The following FAM107A variants were observed in gnomAD, a reference collection of about 807,000 sequenced individuals.
FAM107A encodes family with sequence similarity 107 member A, also known as actin-associated protein FAM107A.
FAM107A carries 19 observed loss-of-function variants against 13.7 expected under a neutral mutation model. The observed-to-expected ratio is 1.38, with a 90% CI of 0.97 to 2.03. The LOEUF is 2.03. FAM107A is among the 30% of genes most tolerant of loss of function. The probability of loss-of-function intolerance (pLI) is 0.00; values close to 1 mark genes in which losing one functional copy is unlikely to be tolerated. For missense variants in FAM107A, 203 were observed against 184.4 expected (o/e 1.10, Z -0.58); for synonymous variants, 82 against 74.5 (o/e 1.10, Z -0.52).
intron 1 of FAM107A, among the ~76,000 whole-genome samples, chr3:58,593,058 C>T (rs2065667060): frequency 1.3e-5 from 2 of 152,130 alleles, no homozygotes. Context: ...GGACCCCACT[C>T]AGTCATCTAT....
At chr3:58,627,539 A>C (rs2066031516) in exon 1 of FAM107A, 1 of 152,950 alleles carries the variant, frequency 6.5e-6, no homozygotes, top group Admixed American at 6.5e-5. Context: ...TTAATAATAG[A>C]CCTTTGAAGA....
chr3:58,569,932 A>C lies in FAM107A; in HGVS notation c.-5-67T>G. On this transcript the variant is annotated intron_variant, in intron 1 of 3. Transcript: ENST00000360997. The surrounding 1 kb of genome is among the most constrained non-coding windows in gnomAD (Gnocchi z 5.7). ...AATCTCACCCTGCCCCATGGGACAC[A>C]GTTGAAGGGCAAGGTTTTCATGTCA... The C allele has an allele frequency of 6.7e-7, 1 of 1,492,340 alleles. No homozygotes were observed. The highest frequency in any genetic ancestry group is 1.4e-5 in the African/African-American group (1 of 71,106). The allele number at this position is 1,492,340 out of a possible 1,614,324, so 92.4% of individuals were successfully genotyped here.
At chr3:58,589,341 A>T, upstream of FAM107A, 1 of 996,608 alleles carries the variant, frequency 1.0e-6, no homozygotes, top group Non-Finnish European at 1.5e-6. Flanking sequence ...TGATATATTC[A>T]CAATGTATCT....
intron 1 of FAM107A, chr3:58,570,463 A>C (rs976991296): frequency 1.4e-6 from 1 of 710,216 alleles, no homozygotes; most frequent in African/African-American, 1.9e-5. Flanking sequence ...TTGGCTACTC[A>C]ATGGCCCCAC....
chr3:58,622,999 G>A (rs1026494816), intron 1 of FAM107A, among the ~76,000 whole-genome samples: 46 of 152,126 alleles, frequency 3.0e-4, no homozygotes, highest in Non-Finnish European at 5.7e-4. Context: ...TGCTGTGAGC[G>A]CCTCCTGATG....
chr3:58,586,954 TG>T, exon 1 of FAM107A: 1 of 1,522,124 alleles, frequency 6.6e-7, no homozygotes, highest in Non-Finnish European at 8.8e-7. Context: ...CGCCTCCTAC[TG>T]CAGAGCCAGC....
intron 1 of FAM107A, chr3:58,609,013 G>A (rs1458488753): frequency 1.3e-5 from 2 of 152,312 alleles, no homozygotes; most frequent in Middle Eastern, 3.4e-3. Context: ...CTCTCAGAGG[G>A]GACTTTCTCA....
chr3:58,626,213 C>G (rs2066014786), intron 1 of FAM107A, among the ~76,000 whole-genome samples: 1 of 152,116 alleles, frequency 6.6e-6, no homozygotes, highest in Non-Finnish European at 1.5e-5. Flanking sequence ...CTCTTTGCCC[C>G]TAAGAGGCTG....
At position 58,611,869 on chromosome 3, in the gene FAM107A, T is replaced by C. The variant is rs550037051; in HGVS notation, c.-70+15547A>G. Among the ~76,000 whole-genome samples the C allele has an allele frequency of 1.8e-4, 28 of 152,330 alleles. 1 individual carries two copies. In the South Asian group the frequency reaches 5.6e-3, roughly 30 times the overall value. On this transcript the variant is annotated intron_variant, in intron 1 of 3. Transcript: ENST00000465970. ...CACATAGTAATTACTAACTAAATGG[T>C]AAATTATTTTTTGAAATGAAATTGT...
chr3:58,595,591 C>T (rs931325948), intron 1 of FAM107A, among the ~76,000 whole-genome samples: 6 of 152,166 alleles, frequency 3.9e-5, no homozygotes, highest in South Asian at 2.1e-4. Context: ...CTAACTCCAC[C>T]GCCTATCCCA....
intron 1 of FAM107A, among the ~76,000 whole-genome samples, chr3:58,571,678 A>G (rs1367492700): frequency 6.6e-6 from 1 of 152,104 alleles, no homozygotes; most frequent in Non-Finnish European, 1.5e-5. Flanking sequence ...TTCAGATTGG[A>G]GCTTTGAGAT....
At chr3:58,573,417 C>T (rs1335347052) in intron 1 of FAM107A, 1 of 152,270 alleles carries the variant, frequency 6.6e-6, no homozygotes, top group Admixed American at 6.5e-5. Flanking sequence ...CAAGAAAATC[C>T]AGGCTGTCTT....
intron 1 of FAM107A, among the ~76,000 whole-genome samples, chr3:58,612,553 C>G (rs912559722): frequency 2.4e-4 from 36 of 151,220 alleles, no homozygotes; most frequent in African/African-American, 8.8e-4. Context: ...GCACTCCAGC[C>G]TGGGTGACAG....
At chr3:58,573,912 TTCC>T (rs1406483465) in intron 1 of FAM107A, among the ~76,000 whole-genome samples, 3 of 152,182 alleles carry the variant, frequency 2.0e-5, no homozygotes, top group African/African-American at 7.2e-5. Flanking sequence ...GATCTGGTGT[TTCC>T]TCCTCTGCAA....
intron 1 of FAM107A, among the ~76,000 whole-genome samples, chr3:58,619,342 G>T (rs952488020): frequency 6.6e-6 from 1 of 152,160 alleles, no homozygotes; most frequent in Non-Finnish European, 1.5e-5. Context: ...TGGCATGGCA[G>T]GGTAAGTGCA....
rs896830590 is a variant in FAM107A, at chr3:58,569,517, C to T, written c.170+174G>A. Among the ~76,000 whole-genome samples, 2 of 152,216 alleles carry T rather than the reference C, an allele frequency of 1.3e-5. No individual in the cohort carries two copies. Among genetic ancestry groups the T allele is most frequent in the Non-Finnish European group, 2.9e-5 (2 of 68,032 alleles). On this transcript the variant is annotated intron_variant, in intron 2 of 3. Coordinates refer to ENST00000360997, the MANE Select transcript of FAM107A (RefSeq NM_001076778.3). This position sits in a 1 kb window ranked among gnomAD's most constrained non-coding sequence, Gnocchi z 5.7. ...GGTCCCTCTGGTTCCCAGGGACCCA[C>T]TGGGGACAGGGTCTTTACAGGTTTT...
chr3:58,592,599 T>G (rs1411721162), intron 1 of FAM107A, among the ~76,000 whole-genome samples: 1 of 152,172 alleles, frequency 6.6e-6, no homozygotes, highest in Non-Finnish European at 1.5e-5. Flanking sequence ...CCGGCCTTTA[T>G]TAGTCAAATC....
intron 1 of FAM107A, among the ~76,000 whole-genome samples, chr3:58,592,201 A>C (rs1281313896): frequency 6.6e-6 from 1 of 152,222 alleles, no homozygotes; most frequent in Non-Finnish European, 1.5e-5. Flanking sequence ...TTCAAGACAT[A>C]GAAAATGGAC....
At chr3:58,595,968 G>A (rs577332515) in intron 1 of FAM107A, among the ~76,000 whole-genome samples, 12 of 152,212 alleles carry the variant, frequency 7.9e-5, no homozygotes, top group South Asian at 2.1e-4. Flanking sequence ...TTTCCAAATC[G>A]GGAGATGCTG....
Sources: allele counts gnomAD v4.1 joint callset (sites outside exome capture counted in the v4.1 genomes callset), GRCh38; gene constraint gnomAD v4.1.1; non-coding constraint Gnocchi (gnomAD v3.1); transcripts MANE v1.5; gene names NCBI Gene and HGNC (gene_info 2026-07-23, HGNC 2026-07-21).